ZFPM1: variants seen among roughly 807,000 people sequenced by gnomAD.
The protein encoded by ZFPM1 is zinc finger protein ZFPM1.
In ZFPM1, 28 loss-of-function variants were observed where a neutral mutation model predicts 46.3. The ratio of observed to expected loss-of-function variants is 0.60; its 90% CI spans 0.45 to 0.83. The LOEUF is 0.83. ZFPM1 is among the 40% of genes least tolerant of loss of function. The pLI, the probability that ZFPM1 is intolerant of heterozygous loss-of-function variation, is 0.00. For synonymous variants in ZFPM1, 957 were observed against 675.9 expected, an observed-to-expected ratio of 1.42 and a Z score of -6.45; for missense variants, 1,878 against 1,432.4, an observed-to-expected ratio of 1.31 and a Z score of -5.02.
Position 88,533,648 on chromosome 16 carries a change from G to T in ZFPM1, c.1690G>T (p.Gly564Cys), listed in dbSNP as rs1474468637. The change falls in exon 10 of 10, where the codon GGC (glycine) becomes TGC (cysteine). Residue 564 changes from glycine (G) to cysteine (C), a missense_variant. Physicochemically the swap from Gly to Cys is radical, Grantham distance 159. Coordinates refer to ENST00000319555, the MANE Select transcript of ZFPM1 (RefSeq NM_153813.3). Reference protein sequence around the residue: ...LQQGAGAGAGGAQTGLFPGAP... With the variant: ...LQQGAGAGAGCAQTGLFPGAP... ...GCAGGGCGCGGGCGCGGGCGCCGGCGGCGCGCAGACCGGGCTCTTCCCCGG... is the reference window on the plus strand; with the variant it reads ...GCAGGGCGCGGGCGCGGGCGCCGGCTGCGCGCAGACCGGGCTCTTCCCCGG... 2 of 1,467,238 alleles carry T rather than the reference G, an allele frequency of 1.4e-6. No individual in the cohort carries two copies. The highest frequency in any genetic ancestry group is 2.5e-5 in the Admixed American group (1 of 39,504). The allele number at this position is 1,467,238 out of a possible 1,614,324, so 90.9% of individuals were successfully genotyped here.
intron 4 of ZFPM1, chr16:88,516,451 CT>C: frequency 2.5e-6 from 1 of 398,188 alleles, no homozygotes; most frequent in Non-Finnish European, 4.4e-6. Flanking sequence ...AGAGGAGCCG[CT>C]GGGGCTCTGT....
chr16:88,502,959 C>T (rs917187547), intron 3 of ZFPM1, among the ~76,000 whole-genome samples: 2 of 152,252 alleles, frequency 1.3e-5, no homozygotes, highest in African/African-American at 2.4e-5. Context: ...CTTTAGCTGT[C>T]GTTCCTCCAA....
At position 88,532,181 on chromosome 16, in the gene ZFPM1, C is replaced by T; in HGVS notation, c.892C>T (p.Arg298Cys). The change falls in exon 7 of 10, where the codon CGC becomes TGC. Residue 298 changes from arginine (R) to cysteine (C), a missense_variant. By Grantham distance (180) the Arg-to-Cys change is radical (BLOSUM62 -3). Coordinates refer to ENST00000319555, the MANE Select transcript of ZFPM1 (RefSeq NM_153813.3). ...NERVCPFPQC[R>C]KSCPSASSLE... is the part of the protein sequence containing the mutation. ...GCGCGTCTGCCCCTTCCCCCAGTGC[C>T]GCAAGAGCTGCCCCAGCGCCAGCTC... 10 of 1,611,320 alleles carry T rather than the reference C, an allele frequency of 6.2e-6. No homozygotes were observed. Among genetic ancestry groups the T allele is most frequent in the African/African-American group, 1.3e-5 (1 of 75,016 alleles).
Position 88,501,702 on chromosome 16 carries a change from G to A in ZFPM1, c.268+12549G>A, listed in dbSNP as rs1024697564. Among the ~76,000 whole-genome samples, 20 of 144,638 alleles carry A rather than the reference G, an allele frequency of 1.4e-4. 4 individuals carry two copies. Among genetic ancestry groups the A allele is most frequent in the African/African-American group, 3.5e-4 (13 of 36,988 alleles). The allele number at this position is 144,638 out of a possible 152,430, so 94.9% of individuals were successfully genotyped here. A position where few individuals can be genotyped will look rare whatever the true frequency, so the allele number is the denominator to read the frequency against. On this transcript the variant is annotated intron_variant, in intron 3 of 9. Transcript: ENST00000319555. ...CGGGTGTGGGTGCAGGGCCTCTCCC[G>A]CAGGTGCTCTTGATGATGGAGGTAA...
chr16:88,474,400 C>T (rs1203450368), intron 1 of ZFPM1, among the ~76,000 whole-genome samples: 1 of 152,188 alleles, frequency 6.6e-6, no homozygotes, highest in African/African-American at 2.4e-5. Flanking sequence ...AGGGTTCCCC[C>T]AGCAGCCCAG....
At chr16:88,460,589 CTT>C (rs1407140503) in intron 1 of ZFPM1, among the ~76,000 whole-genome samples, 3 of 152,210 alleles carry the variant, frequency 2.0e-5, no homozygotes, top group East Asian at 3.9e-4. Flanking sequence ...GTGGCACTGA[CTT>C]AAGGACCCCA....
intron 1 of ZFPM1, among the ~76,000 whole-genome samples, chr16:88,484,420 C>T (rs1217907910): frequency 6.6e-6 from 1 of 152,344 alleles, no homozygotes; most frequent in Middle Eastern, 3.4e-3. Context: ...CTGCCCCACC[C>T]CCACTCTGCC....
chr16:88,468,057 A>G (rs1283993604), intron 1 of ZFPM1, among the ~76,000 whole-genome samples: 2 of 81,036 alleles, frequency 2.5e-5, no homozygotes, highest in Non-Finnish European at 4.7e-5. Context: ...CGCCCCCGCG[A>G]GCCCACCGCC....
At chr16:88,501,118 CAGACATGGATGCGG>C (rs1910243162) in intron 3 of ZFPM1, among the ~76,000 whole-genome samples, 1 of 140,252 alleles carries the variant, frequency 7.1e-6, no homozygotes, top group African/African-American at 2.9e-5. Flanking sequence ...ATGGAGATAG[CAGACATGGATGCGG>C]GGGCCATCCC....
intron 3 of ZFPM1, among the ~76,000 whole-genome samples, chr16:88,505,499 C>G (rs1910599092): frequency 6.6e-6 from 1 of 152,222 alleles, no homozygotes; most frequent in Admixed American, 6.5e-5. Flanking sequence ...CCTCTGCCCC[C>G]TGGTGCCCTC....
chr16:88,474,143 C>G (rs973541291), intron 1 of ZFPM1, among the ~76,000 whole-genome samples: 3 of 152,212 alleles, frequency 2.0e-5, no homozygotes, highest in African/African-American at 7.2e-5. Flanking sequence ...CAATCTCTCC[C>G]CTATCAGCCG....
Position 88,536,720 on chromosome 16 carries a change from G to C in ZFPM1, c.*1741G>C, listed in dbSNP as rs1405509146. The C allele has an allele frequency of 2.6e-5, 4 of 152,308 alleles. No individual in the cohort carries two copies. The highest frequency in any genetic ancestry group is 5.9e-5 in the Non-Finnish European group (4 of 68,094). 9.4% of individuals were successfully genotyped at this position (152,308 alleles called of 1,614,324 possible). A position where few individuals can be genotyped will look rare whatever the true frequency, so the allele number is the denominator to read the frequency against. On this transcript the variant is annotated 3_prime_UTR_variant, in exon 10 of 10. Coordinates refer to ENST00000319555, the MANE Select transcript of ZFPM1 (RefSeq NM_153813.3). The stretch of plus-strand genomic sequence containing the variant: ...ATGGGGCCCGTAGCCAAGGCCAATG[G>C]ACAGACATGGCTTCCACCCCCTCCC...
Position 88,497,458 on chromosome 16 carries a change from G to T in ZFPM1, c.268+8305G>T, listed in dbSNP as rs1357004817. 6.8e-6 allele frequency among the ~76,000 whole-genome samples: 1 copy of T among 147,140 alleles called. No individual in the cohort carries two copies. The highest frequency in any genetic ancestry group is 1.5e-5 in the Non-Finnish European group (1 of 66,324). ...GCCTGGGCGGGGATGGGGTTCAGAG[G>T]GGTCAGGGTGGGGCTCAGGGCCCGG... On this transcript the variant is annotated intron_variant, in intron 3 of 9. Coordinates refer to ENST00000319555, the MANE Select transcript of ZFPM1 (RefSeq NM_153813.3). This position sits in a 1 kb window ranked among gnomAD's most constrained non-coding sequence, Gnocchi z 5.4.
rs923174261 is a variant in ZFPM1, at chr16:88,534,130, T to C, written c.2172T>C (p.Pro724=). ...PRRPAAPPGP[P]GPAAPPAPSP... is the part of the protein sequence containing the mutation. ...GACCGGCCGCGCCCCCGGGACCCCC[T>C]GGGCCGGCCGCGCCCCCGGCCCCCT... The change falls in exon 10 of 10, where the codon CCT becomes CCC. Residue 724 remains proline, a synonymous_variant. Transcript: ENST00000319555. 3 of 994,508 alleles carry C rather than the reference T, an allele frequency of 3.0e-6. No individual in the cohort carries two copies. The highest frequency in any genetic ancestry group is 2.4e-6 in the Non-Finnish European group (2 of 839,812). 61.6% of individuals were successfully genotyped at this position (994,508 alleles called of 1,614,324 possible). A position where few individuals can be genotyped will look rare whatever the true frequency, so the allele number is the denominator to read the frequency against.
chr16:88,518,982 GTGGA>G (rs1266561585), intron 4 of ZFPM1, among the ~76,000 whole-genome samples: 3 of 149,400 alleles, frequency 2.0e-5, no homozygotes, highest in African/African-American at 7.4e-5. Context: ...GGATAACCAG[GTGGA>G]TGGATGGATA....
chr16:88,467,967 A>T (rs1186120352), intron 1 of ZFPM1, among the ~76,000 whole-genome samples: 2 of 151,652 alleles, frequency 1.3e-5, no homozygotes, highest in African/African-American at 4.8e-5. Context: ...GCCAGGAACA[A>T]AAGTGAGAAC....
In ZFPM1 at chr16:88,471,293, G is replaced by A. The variant is rs1421165648; in HGVS notation, c.41-14646G>A. ...GTGACCTCCACCCTCGCGAAGGCCA[G>A]CGGCCGCAGGGTCTGGCTTGGGCTA... On this transcript the variant is annotated intron_variant, in intron 1 of 9. Transcript: ENST00000319555. This position sits in a 1 kb window ranked among gnomAD's most constrained non-coding sequence, Gnocchi z 4.1. Among the ~76,000 whole-genome samples, 1 of 152,262 alleles carries A rather than the reference G, an allele frequency of 6.6e-6. No individual in the cohort carries two copies. Among genetic ancestry groups the A allele is most frequent in the African/African-American group, 2.4e-5 (1 of 41,474 alleles).
At chr16:88,518,734 A>AGGGT (rs1201462864) in intron 4 of ZFPM1, among the ~76,000 whole-genome samples, 4 of 82,466 alleles carry the variant, frequency 4.9e-5, no homozygotes, top group African/African-American at 1.0e-4. Flanking sequence ...GATGGCTGAG[A>AGGGT]GGGTGGATGG....
chr16:88,526,137 G>A (rs1912297607), intron 4 of ZFPM1, among the ~76,000 whole-genome samples: 2 of 152,216 alleles, frequency 1.3e-5, no homozygotes, highest in Admixed American at 6.5e-5. Context: ...TCAGGGTGGG[G>A]ACAGACCTGC....
Sources: allele counts gnomAD v4.1 joint callset (sites outside exome capture counted in the v4.1 genomes callset), GRCh38; gene constraint gnomAD v4.1.1; non-coding constraint Gnocchi (gnomAD v3.1); transcripts MANE v1.5; gene names NCBI Gene and HGNC (gene_info 2026-07-23, HGNC 2026-07-21).